Variants in HERC4 observed in about 807,000 individuals in gnomAD.
HERC4 encodes the protein probable E3 ubiquitin-protein ligase HERC4.
In HERC4, 28 loss-of-function variants were observed where a neutral mutation model predicts 124.3. The ratio of observed to expected loss-of-function variants is 0.23; its 90% CI spans 0.17 to 0.31. The LOEUF is 0.31. Ranked by LOEUF, HERC4 falls within the 10% of genes least tolerant of loss-of-function variation. HERC4 has a pLI of 1.00. For synonymous variants in HERC4, 407 were observed against 421.5 expected (o/e 0.97, Z 0.42); for missense variants, 713 against 1,229.3 (o/e 0.58, Z 6.28).
chr10:67,951,486 C>T (rs1175224689), intron 19 of HERC4, among the ~76,000 whole-genome samples: 1 of 152,232 alleles, frequency 6.6e-6, no homozygotes, highest in Non-Finnish European at 1.5e-5. Flanking sequence ...ACTGTCCTTG[C>T]TCCACCAAAC....
chr10:68,062,393 A>C (rs573366278), intron 3 of HERC4, among the ~76,000 whole-genome samples: 1 of 152,226 alleles, frequency 6.6e-6, no homozygotes, highest in Admixed American at 6.5e-5. Context: ...CCATCTGGTT[A>C]CCAAAGCCTG....
At chr10:68,059,479 TATTATATATTATAAC>T (rs1408253404) in intron 3 of HERC4, among the ~76,000 whole-genome samples, 6 of 128,736 alleles carry the variant, frequency 4.7e-5, no homozygotes, top group African/African-American at 8.9e-5. Flanking sequence ...TATATTATAA[TATTATATATTATAAC>T]ATTATATATT....
chr10:68,054,430 G>A (rs539807838), intron 3 of HERC4, among the ~76,000 whole-genome samples: 9 of 148,188 alleles, frequency 6.1e-5, no homozygotes, highest in East Asian at 2.0e-4. Context: ...CTCAGCTCAC[G>A]GCAACCTCCA....
intron 19 of HERC4, among the ~76,000 whole-genome samples, chr10:67,952,595 T>A (rs1343438295): frequency 1.3e-5 from 2 of 151,512 alleles, no homozygotes; most frequent in East Asian, 4.0e-4. Flanking sequence ...TTTTAAAATA[T>A]CTTAAAGACT....
Position 67,922,927 on chromosome 10 carries a change from A to G in HERC4, c.*4T>C. ...CACTAAACTGAATAGTTATAACTCCAAAGTTATATTAAACTGAAGCCTTCA... is the reference window on the plus strand; with the variant it reads ...CACTAAACTGAATAGTTATAACTCCGAAGTTATATTAAACTGAAGCCTTCA... On this transcript the variant is annotated 3_prime_UTR_variant, in exon 25 of 25. Transcript: ENST00000373700. The G allele has an allele frequency of 6.3e-7, 1 of 1,584,132 alleles. No homozygotes were observed. The highest frequency in any genetic ancestry group is 8.6e-7 in the Non-Finnish European group (1 of 1,158,700).
At chr10:68,065,599 G>A (rs960752437) in intron 3 of HERC4, among the ~76,000 whole-genome samples, 12 of 152,068 alleles carry the variant, frequency 7.9e-5, no homozygotes, top group African/African-American at 1.9e-4. Context: ...AAGGCCTGGC[G>A]TGGTGGTTCA....
At chr10:67,963,360 G>T (rs998223530) in intron 16 of HERC4, among the ~76,000 whole-genome samples, 14 of 152,130 alleles carry the variant, frequency 9.2e-5, no homozygotes, top group African/African-American at 3.4e-4. Flanking sequence ...GGGATTACAG[G>T]TGCCCGCCAC....
intron 22 of HERC4, among the ~76,000 whole-genome samples, chr10:67,935,154 T>C (rs2032236630): frequency 6.6e-6 from 1 of 151,622 alleles, no homozygotes; most frequent in South Asian, 2.1e-4. Flanking sequence ...TACATTTTTT[T>C]TTTTTTTTTG....
intron 3 of HERC4, among the ~76,000 whole-genome samples, chr10:68,061,865 A>G (rs2041036310): frequency 7.6e-6 from 1 of 131,250 alleles, no homozygotes; most frequent in African/African-American, 2.9e-5. Context: ...TGGGTGACAG[A>G]GCGAGACTCC....
At position 67,941,124 on chromosome 10, in the gene HERC4, G is replaced by A. The variant is rs758745290; in HGVS notation, c.2338-19C>T. 6.8e-7 allele frequency: 1 copy of A among 1,463,210 alleles called. No individual in the cohort carries two copies. Among genetic ancestry groups the A allele is most frequent in the South Asian group, 1.4e-5 (1 of 71,538 alleles). The allele number at this position is 1,463,210 out of a possible 1,614,324, so 90.6% of individuals were successfully genotyped here. ...CAAATGTCTAAAAATATAAGAAAAA[G>A]TAAACACATGTCCTCCAAGTTAAAA... On this transcript the variant is annotated intron_variant, in intron 19 of 24. Coordinates refer to ENST00000373700, the MANE Select transcript of HERC4 (RefSeq NM_015601.4).
At chr10:68,011,067 C>T (rs1472662835) in intron 9 of HERC4, among the ~76,000 whole-genome samples, 1 of 152,138 alleles carries the variant, frequency 6.6e-6, no homozygotes. Flanking sequence ...ATTTTGACTT[C>T]CTCCCATGAA....
At position 67,989,540 on chromosome 10, in the gene HERC4, A is replaced by C. The variant is rs2036441607; in HGVS notation, c.1633+671T>G. The stretch of plus-strand genomic sequence containing the variant: ...TTCCTCCATTTACCCTCAGCCTTAA[A>C]GTTCTTGTACTGACATTATTACTTC... On this transcript the variant is annotated intron_variant, in intron 14 of 24. Coordinates refer to ENST00000373700, the MANE Select transcript of HERC4 (RefSeq NM_015601.4). Among the ~76,000 whole-genome samples the C allele has an allele frequency of 2.0e-5, 3 of 152,114 alleles. 1 individual carries two copies. In the South Asian group the frequency reaches 6.2e-4, roughly 32 times the overall value.
Position 68,018,657 on chromosome 10 carries a change from T to C in HERC4, c.909-4471A>G, listed in dbSNP as rs145783235. Among the ~76,000 whole-genome samples, 101 of 152,286 alleles carry C rather than the reference T, an allele frequency of 6.6e-4. 2 individuals carry two copies. In the East Asian group the frequency reaches 0.019, roughly 28 times the overall value. On this transcript the variant is annotated intron_variant, in intron 8 of 24. Coordinates refer to ENST00000373700, the MANE Select transcript of HERC4 (RefSeq NM_015601.4). ...AATCAATATGTAAATATCAACTATT[T>C]CTACATGCCAGTGATTCCTCAGAAA...
At chr10:68,052,329 G>A (rs770600292) in intron 3 of HERC4, among the ~76,000 whole-genome samples, 19 of 151,960 alleles carry the variant, frequency 1.3e-4, no homozygotes, top group Non-Finnish European at 2.2e-4. Flanking sequence ...TCATTTTACC[G>A]AGGAGAAAGA....
intron 4 of HERC4, among the ~76,000 whole-genome samples, chr10:68,043,120 TC>T (rs2039851878): frequency 6.6e-6 from 1 of 152,206 alleles, no homozygotes; most frequent in South Asian, 2.1e-4. Context: ...TAACTTTCTT[TC>T]CATTTATTAT....
At chr10:67,931,868 T>C (rs2031850038) in intron 23 of HERC4, among the ~76,000 whole-genome samples, 1 of 152,194 alleles carries the variant, frequency 6.6e-6, no homozygotes, top group Admixed American at 6.5e-5. Flanking sequence ...GATCAAGAGA[T>C]TCTCCCACTG....
intron 19 of HERC4, 59 bp downstream of exon 19, chr10:67,954,536 T>A: frequency 7.5e-7 from 1 of 1,336,906 alleles, no homozygotes; most frequent in Non-Finnish European, 1.0e-6. Context: ...ACTTGATACA[T>A]ACAGGTATAA....
intron 23 of HERC4, among the ~76,000 whole-genome samples, chr10:67,930,363 A>T (rs910598771): frequency 1.3e-5 from 2 of 152,188 alleles, no homozygotes; most frequent in Non-Finnish European, 2.9e-5. Context: ...TCCAGAATTC[A>T]TTTCATCTAG....
At chr10:67,940,452 C>T (rs190279192) in intron 20 of HERC4, among the ~76,000 whole-genome samples, 174 of 151,840 alleles carry the variant, frequency 1.1e-3, no homozygotes, top group African/African-American at 3.9e-3. Flanking sequence ...TGGAGTCTTG[C>T]TCTGTCACCC....
Sources: gnomAD v4.1 joint callset for allele counts (sites outside exome capture counted in the v4.1 genomes callset) on GRCh38, gnomAD v4.1.1 for gene constraint, MANE v1.5 for transcripts, NCBI Gene and HGNC (gene_info 2026-07-23, HGNC 2026-07-21) for gene names.